NSD3: variants seen among roughly 807,000 people sequenced by gnomAD.
NSD3 encodes the protein nuclear receptor binding SET domain protein 3, also known as histone-lysine N-methyltransferase NSD3.
A neutral mutation model predicts 160.8 loss-of-function variants in NSD3; 24 were observed. The observed-to-expected ratio is 0.15, with a 90% CI of 0.11 to 0.21. The LOEUF is 0.21. Ranked by LOEUF, NSD3 falls within the 10% of genes least tolerant of loss-of-function variation. The pLI is 1.00. For synonymous variants in NSD3, 520 were observed against 600.0 expected (o/e 0.87, Z 1.95); for missense variants, 1,157 against 1,735.9 (o/e 0.67, Z 5.93).
intron 13 of NSD3, 79 bp from the exon 14 acceptor site, chr8:38,304,836 T>C: frequency 6.9e-7 from 1 of 1,456,518 alleles, no homozygotes; most frequent in East Asian, 2.4e-5. Context: ...TTGGGCTTTT[T>C]TGGGTCCCTC....
chr8:38,276,716 G>A (rs903849955), intron 22 of NSD3: 3 of 558,846 alleles, frequency 5.4e-6, no homozygotes, highest in African/African-American at 3.8e-5. Context: ...TGGAGTTCTC[G>A]CTCTGTTGTC....
rs762684810 is a variant in NSD3, at chr8:38,326,803, A to G, written c.1635T>C (p.Ile545=). 6 of 1,614,048 alleles carry G rather than the reference A, an allele frequency of 3.7e-6. No individual in the cohort carries two copies. In the Admixed American group the frequency reaches 5.0e-5, roughly 13 times the overall value. The change falls in exon 7 of 24, where the codon ATT becomes ATC. Residue 545 remains isoleucine (I), a synonymous_variant. Coordinates refer to ENST00000317025, the MANE Select transcript of NSD3 (RefSeq NM_023034.2). ...ISVRGQDRLI[I]STPNQRNEKP... ...TTTCATTTCTCTGGTTTGGTGTAGA[A>G]ATTATAAGCCTGTCTTGCCCCCTGA...
chr8:38,297,268 G>A (rs1043822841), intron 15 of NSD3, among the ~76,000 whole-genome samples: 1 of 152,190 alleles, frequency 6.6e-6, no homozygotes, highest in African/African-American at 2.4e-5. Context: ...CAAAACAGGT[G>A]TGGCAAACAA....
At chr8:38,296,672 C>CTG (rs1491324812) in intron 15 of NSD3, among the ~76,000 whole-genome samples, 2 of 115,814 alleles carry the variant, frequency 1.7e-5, no homozygotes, top group African/African-American at 3.2e-5. Flanking sequence ...CTCTCTCTCC[C>CTG]TCTGTGTGTG....
At position 38,288,684 on chromosome 8, in the gene NSD3, G is replaced by C. The variant is rs1481589740; in HGVS notation, c.3304C>G (p.Pro1102Ala). 6.2e-7 allele frequency: 1 copy of C among 1,614,188 alleles called. No individual in the cohort carries two copies. Among genetic ancestry groups the C allele is most frequent in the Admixed American group, 1.7e-5 (1 of 60,020 alleles). Reference protein sequence around the residue: ...LSEIPRCNCKPADENPCGLES... With the variant: ...LSEIPRCNCKAADENPCGLES... ...AAGCCACAAGGGTTTTCATCAGCTGGCTTGCAGTTACAGCGGGGAATCTCT... is the reference window on the plus strand; with the variant it reads ...AAGCCACAAGGGTTTTCATCAGCTGCCTTGCAGTTACAGCGGGGAATCTCT... Residue 1102 changes from proline to alanine, a missense_variant, in exon 19 of 24, where the codon CCA (proline) becomes GCA (alanine). Pro to Ala is a conservative substitution (Grantham distance 27). This residue lies in a region of NSD3 where 437 missense variants were observed against 576.6 expected (regional missense o/e 0.76). Transcript: ENST00000317025. This position sits in a 1 kb window ranked among gnomAD's most constrained non-coding sequence, Gnocchi z 4.5.
rs182874290 is a variant in NSD3 at position 38,311,605 on chromosome 8, C to T, written c.2242+3042G>A. ...CCTCCCAAAGTGCCGGTATTACAGA[C>T]ATAAGCCACCACACCTGGCTTGAGT... On this transcript the variant is annotated intron_variant, in intron 12 of 23. Coordinates refer to ENST00000317025, the MANE Select transcript of NSD3 (RefSeq NM_023034.2). Among the ~76,000 whole-genome samples, 333 of 152,278 alleles carry T rather than the reference C, an allele frequency of 2.2e-3. 3 individuals carry two copies. Among genetic ancestry groups the T allele is most frequent in the African/African-American group, 7.6e-3 (315 of 41,544 alleles).
intron 19 of NSD3, among the ~76,000 whole-genome samples, chr8:38,286,508 C>A (rs773702203): frequency 2.0e-5 from 3 of 152,192 alleles, no homozygotes; most frequent in Non-Finnish European, 4.4e-5. Context: ...ATTGCCTAGA[C>A]TCCTGACCCA....
rs1346178245 is a variant in NSD3 at position 38,318,488 on chromosome 8, A to AT, written c.1855+406dup. Among the ~76,000 whole-genome samples, 1 of 152,166 alleles carries AT rather than the reference A, an allele frequency of 6.6e-6. No individual in the cohort carries two copies. Among genetic ancestry groups the AT allele is most frequent in the Non-Finnish European group, 1.5e-5 (1 of 68,038 alleles). ...GCACTGTAAAAATAAATGTGGCAAGATTTTTTCAATCAGCTTGTCTTGTCT... is the reference window on the plus strand; with the variant it reads ...GCACTGTAAAAATAAATGTGGCAAGATTTTTTTCAATCAGCTTGTCTTGTCT... On this transcript the variant is annotated intron_variant, in intron 9 of 23. Transcript: ENST00000317025. This position sits in a 1 kb window ranked among gnomAD's most constrained non-coding sequence, Gnocchi z 5.3.
chr8:38,379,942 T>C (rs1053799115), intron 1 of NSD3, among the ~76,000 whole-genome samples: 1 of 152,260 alleles, frequency 6.6e-6, no homozygotes, highest in Non-Finnish European at 1.5e-5. Flanking sequence ...GAATAGTAAT[T>C]ATTTCAAATT....
intron 16 of NSD3, among the ~76,000 whole-genome samples, chr8:38,291,462 C>T (rs1412552942): frequency 6.6e-6 from 1 of 152,132 alleles, no homozygotes; most frequent in Non-Finnish European, 1.5e-5. Context: ...TCTTATTTTA[C>T]ATATGCTTAA....
intron 2 of NSD3, among the ~76,000 whole-genome samples, chr8:38,346,366 T>C (rs1300370928): frequency 6.8e-6 from 1 of 147,150 alleles, no homozygotes; most frequent in East Asian, 1.9e-4. Context: ...TATATGTATA[T>C]ATGTATATAT....
rs1333310177 is a variant in NSD3 at position 38,317,057 on chromosome 8, A to G, written c.1856-1015T>C. On this transcript the variant is annotated intron_variant, in intron 9 of 23. Coordinates refer to ENST00000317025, the MANE Select transcript of NSD3 (RefSeq NM_023034.2). This position sits in a 1 kb window ranked among gnomAD's most constrained non-coding sequence, Gnocchi z 5.3. ...AACAGACATCTAGATCAACCCAGCA[A>G]GCTATGGTGGAAGTGTGCAGTCCAG... The G allele has an allele frequency of 4.7e-6, 5 of 1,060,158 alleles. No individual in the cohort carries two copies. Among genetic ancestry groups the G allele is most frequent in the African/African-American group, 3.3e-5 (2 of 60,774 alleles). 65.7% of individuals were successfully genotyped at this position (1,060,158 alleles called of 1,614,324 possible).
At chr8:38,339,826 A>C (rs1810315956) in intron 2 of NSD3, among the ~76,000 whole-genome samples, 1 of 152,176 alleles carries the variant, frequency 6.6e-6, no homozygotes, top group Non-Finnish European at 1.5e-5. Flanking sequence ...TCCATCTAGC[A>C]ATCACATTGT....
At chr8:38,338,305 G>GAA (rs201783553) in intron 3 of NSD3, among the ~76,000 whole-genome samples, 292 of 96,332 alleles carry the variant, frequency 3.0e-3, no homozygotes, top group African/African-American at 9.9e-3. Context: ...GTCTCAAAAA[G>GAA]AAAAAAAAAA....
rs897686283 is a variant in NSD3, at chr8:38,338,284, A to G, written c.747+252T>C. On this transcript the variant is annotated intron_variant, in intron 3 of 23. Transcript: ENST00000317025. The stretch of plus-strand genomic sequence containing the variant: ...CACTGCACTCCAGCCTGGGCAACAG[A>G]GTGAGACTCCGTCTCAAAAAGAAAA... Among the ~76,000 whole-genome samples, 5 of 149,538 alleles carry G rather than the reference A, an allele frequency of 3.3e-5. 1 individual carries two copies. The highest frequency in any genetic ancestry group is 1.4e-4 in the Admixed American group (2 of 14,788).
intron 21 of NSD3, 131 bp from the exon 22 acceptor site, chr8:38,278,543 C>T: frequency 1.5e-6 from 1 of 683,788 alleles, no homozygotes; most frequent in Non-Finnish European, 2.4e-6. Flanking sequence ...CAGTGTTCTA[C>T]CTCATTGATA....
At chr8:38,309,489 T>A (rs915183683) in intron 12 of NSD3, among the ~76,000 whole-genome samples, 3 of 151,612 alleles carry the variant, frequency 2.0e-5, no homozygotes, top group Non-Finnish European at 4.4e-5. Context: ...AAATAATTAA[T>A]TAAATAAAAA....
intron 8 of NSD3, chr8:38,320,391 T>G (rs1202118626): frequency 6.6e-6 from 1 of 152,116 alleles, no homozygotes; most frequent in Non-Finnish European, 1.5e-5. Context: ...AAAATCTGAT[T>G]GTGAGTTTAA....
At chr8:38,296,118 G>A (rs1375749198) in intron 15 of NSD3, among the ~76,000 whole-genome samples, 166 bp from the exon 16 acceptor site, 6 of 152,290 alleles carry the variant, frequency 3.9e-5, no homozygotes, top group Admixed American at 6.5e-5. Context: ...GCAAGTGAAC[G>A]TATTTAGCTA....
Sources: allele counts gnomAD v4.1 joint callset (sites outside exome capture counted in the v4.1 genomes callset), GRCh38; gene constraint gnomAD v4.1.1; regional missense constraint gnomAD v4.1.1; non-coding constraint Gnocchi (gnomAD v3.1); transcripts MANE v1.5; gene names NCBI Gene and HGNC (gene_info 2026-07-23, HGNC 2026-07-21).